SAMMSON: variants seen among roughly 807,000 people sequenced by gnomAD.
SAMMSON encodes the protein survival associated mitochondrial melanoma specific oncogenic non-coding RNA, also known as long intergenic non-protein coding RNA 1212.
chr3:70,206,254 T>C (rs1009148718), intron 4 of SAMMSON, among the ~76,000 whole-genome samples: 10 of 152,088 alleles, frequency 6.6e-5, no homozygotes, highest in African/African-American at 2.2e-4. Flanking sequence ...AATAGTTCCA[T>C]GTCTGAGGAG....
intron 3 of SAMMSON, chr3:70,068,396 C>T (rs370044597): frequency 2.6e-5 from 4 of 152,136 alleles, no homozygotes; most frequent in East Asian, 3.9e-4. Flanking sequence ...TCCTGTAGTT[C>T]GTGCACATTG....
chr3:70,349,766 T>C (rs547997768), intron 7 of SAMMSON, among the ~76,000 whole-genome samples: 1 of 152,224 alleles, frequency 6.6e-6, no homozygotes, highest in East Asian at 1.9e-4. Flanking sequence ...CTGTAGACAG[T>C]ATATTATGCA....
chr3:70,413,828 C>G (rs975334003), intron 2 of SAMMSON, among the ~76,000 whole-genome samples: 27 of 152,032 alleles, frequency 1.8e-4, no homozygotes, highest in African/African-American at 6.0e-4. Flanking sequence ...TAGAGGAAGA[C>G]GATTCAATAA....
intron 7 of SAMMSON, among the ~76,000 whole-genome samples, chr3:70,297,133 TA>T (rs1201812719): frequency 1.3e-5 from 2 of 152,100 alleles, no homozygotes; most frequent in African/African-American, 4.8e-5. Context: ...CTTGCTTACT[TA>T]AAAAAATATT....
chr3:70,279,764 C>T (rs1457950785), intron 6 of SAMMSON, among the ~76,000 whole-genome samples: 1 of 152,146 alleles, frequency 6.6e-6, no homozygotes, highest in Non-Finnish European at 1.5e-5. Flanking sequence ...AATGCCATCC[C>T]TCTTTTCCTT....
chr3:70,101,536 GA>G (rs2067346407), intron 4 of SAMMSON, among the ~76,000 whole-genome samples: 2 of 152,230 alleles, frequency 1.3e-5, no homozygotes, highest in Admixed American at 1.3e-4. Flanking sequence ...TAAAGAGTGA[GA>G]AAATAAATAT....
At chr3:70,179,000 C>A (rs1030767111) in intron 4 of SAMMSON, among the ~76,000 whole-genome samples, 5 of 151,964 alleles carry the variant, frequency 3.3e-5, no homozygotes, top group African/African-American at 1.2e-4. Context: ...GGCCCTGTCT[C>A]AAAATAATAG....
chr3:70,422,119 TA>T (rs34834482), intron 2 of SAMMSON, among the ~76,000 whole-genome samples: 37,193 of 149,720 alleles, frequency 0.25, 5,150 homozygotes, highest in Non-Finnish European at 0.33. Context: ...CTAAGAATGG[TA>T]AAAAAAAAAT....
intron 2 of SAMMSON, among the ~76,000 whole-genome samples, chr3:70,408,483 C>G (rs907444086): frequency 6.6e-6 from 1 of 152,192 alleles, no homozygotes; most frequent in Non-Finnish European, 1.5e-5. Context: ...CCTAAATCAT[C>G]TCTCTCAAGT....
chr3:70,096,654 A>G (rs560704618), intron 4 of SAMMSON, among the ~76,000 whole-genome samples: 1 of 152,244 alleles, frequency 6.6e-6, no homozygotes, highest in South Asian at 2.1e-4. Context: ...TTTATACTCA[A>G]AGGAAGGATA....
intron 6 of SAMMSON, among the ~76,000 whole-genome samples, chr3:70,261,011 C>T (rs1427740649): frequency 1.3e-5 from 2 of 152,038 alleles, no homozygotes; most frequent in African/African-American, 2.4e-5. Context: ...TGAAAAATTC[C>T]GCTTGACATG....
intron 4 of SAMMSON, among the ~76,000 whole-genome samples, chr3:70,160,451 C>A (rs1045777366): frequency 1.5e-5 from 2 of 133,478 alleles, no homozygotes; most frequent in Non-Finnish European, 3.1e-5. Context: ...CGAATTGTTT[C>A]TTCAGTGAAT....
intron 4 of SAMMSON, among the ~76,000 whole-genome samples, chr3:70,195,944 A>G (rs1439556726): frequency 2.6e-5 from 4 of 152,200 alleles, no homozygotes; most frequent in Admixed American, 2.6e-4. Context: ...ATTATTGATC[A>G]CTTTAATTAT....
At chr3:70,325,362 C>T (rs1290367082) in intron 7 of SAMMSON, among the ~76,000 whole-genome samples, 1 of 152,108 alleles carries the variant, frequency 6.6e-6, no homozygotes, top group Non-Finnish European at 1.5e-5. Flanking sequence ...CCAGTCACCT[C>T]ACCCATGCGG....
chr3:70,209,089 T>C (rs891536672), intron 4 of SAMMSON, among the ~76,000 whole-genome samples: 5 of 152,212 alleles, frequency 3.3e-5, no homozygotes, highest in Admixed American at 1.3e-4. Context: ...TCATAATTAG[T>C]TTATTTTTCT....
At chr3:70,351,315 T>C (rs1235748416) in intron 7 of SAMMSON, among the ~76,000 whole-genome samples, 1 of 152,156 alleles carries the variant, frequency 6.6e-6, no homozygotes, top group East Asian at 1.9e-4. Flanking sequence ...GAGCCTGCTT[T>C]CTTTAATAAG....
chr3:70,280,984 T>C (rs1475953724), intron 6 of SAMMSON, among the ~76,000 whole-genome samples: 1 of 152,204 alleles, frequency 6.6e-6, no homozygotes, highest in Non-Finnish European at 1.5e-5. Context: ...CAGCTGTACA[T>C]AGTTTGTTAA....
intron 7 of SAMMSON, among the ~76,000 whole-genome samples, chr3:70,352,609 T>C (rs57534472): frequency 0.095 from 14,476 of 152,164 alleles, 1,162 homozygotes; most frequent in East Asian, 0.48. Context: ...GTAAATCCAA[T>C]AGATTTTCTT....
chr3:70,426,280 A>G (rs6795966), intron 2 of SAMMSON, among the ~76,000 whole-genome samples: 3,912 of 152,320 alleles, frequency 0.026, 202 homozygotes, highest in African/African-American at 0.09. Flanking sequence ...GCTTGAATGA[A>G]GTTCCTGTCC....
Sources: gnomAD v4.1 joint callset for allele counts (sites outside exome capture counted in the v4.1 genomes callset) on GRCh38, gnomAD v4.1.1 for gene constraint, MANE v1.5 for transcripts, NCBI Gene and HGNC (gene_info 2026-07-23, HGNC 2026-07-21) for gene names.